The following APH1A variants were observed in gnomAD, a reference collection of about 807,000 sequenced individuals.
APH1A encodes the protein gamma-secretase subunit APH-1A.
Under a neutral mutation model 30.3 loss-of-function variants are expected in APH1A, and 16 were observed. That is an observed-to-expected ratio of 0.53 (90% CI 0.36 to 0.80). The LOEUF is 0.80. Among genes scored for constraint, APH1A ranks in the 30% least tolerant of loss-of-function variants. The probability of loss-of-function intolerance (pLI) is 0.01; values close to 1 mark genes in which losing one functional copy is unlikely to be tolerated. For missense variants in APH1A, 245 were observed against 337.8 expected, an observed-to-expected ratio of 0.73 and a Z score of 2.15; for synonymous variants, 144 against 140.1, an observed-to-expected ratio of 1.03 and a Z score of -0.20.
intron 3 of APH1A, 92 bp from the exon 4 acceptor site, chr1:150,267,570 C>A: frequency 6.3e-7 from 1 of 1,588,290 alleles, no homozygotes; most frequent in Non-Finnish European, 8.6e-7. Flanking sequence ...AATTCTTTCA[C>A]ATCTACTCTC....
At position 150,267,397 on chromosome 1, in the gene APH1A, A is replaced by C. The variant is rs1553850150; in HGVS notation, c.440T>G (p.Val147Gly). Residue 147 changes from valine to glycine, a missense_variant, in exon 4 of 7, where the codon GTT becomes GGT. By Grantham distance (109) the Val-to-Gly change is moderately radical (BLOSUM62 -3). Coordinates refer to ENST00000369109, the MANE Select transcript of APH1A (RefSeq NM_001077628.3). Reference sequence around the variant, plus strand: ...ATAGGGTGAGTCTCCATGGATCCCAACCACACCTGGCCCAAGTGCATCAGC... The same window carrying C: ...ATAGGGTGAGTCTCCATGGATCCCACCCACACCTGGCCCAAGTGCATCAGC... Reference protein sequence around the residue: ...ILADALGPGVVGIHGDSPYYF... With the variant: ...ILADALGPGVGGIHGDSPYYF... 1 of 1,614,160 alleles carries C rather than the reference A, an allele frequency of 6.2e-7. No homozygotes were observed. The highest frequency in any genetic ancestry group is 1.7e-5 in the Admixed American group (1 of 60,016).
At position 150,268,933 on chromosome 1, in the gene APH1A, C is replaced by A; in HGVS notation, c.-123G>T. 1.3e-6 allele frequency: 1 copy of A among 762,018 alleles called. No individual in the cohort carries two copies. Among genetic ancestry groups the A allele is most frequent in the Non-Finnish European group, 2.1e-6 (1 of 468,906 alleles). The allele number at this position is 762,018 out of a possible 1,614,324, so 47.2% of individuals were successfully genotyped here. A position where few individuals can be genotyped will look rare whatever the true frequency, so the allele number is the denominator to read the frequency against. ...CCACGAGGGGCGCGGTGCAATGTCA[C>A]CCCCAGACCCCGGGGAAGGGGAAGG... is the stretch of plus-strand genomic sequence containing the variant. On this transcript the variant is annotated 5_prime_UTR_variant, in exon 1 of 7. Transcript: ENST00000369109.
intron 1 of APH1A, 121 bp from the exon 2 acceptor site, chr1:150,268,248 A>G (rs587764147): frequency 1.7e-6 from 2 of 1,162,702 alleles, no homozygotes; most frequent in South Asian, 1.6e-5. Context: ...TTAGGGAGAC[A>G]TGGACCAGGT....
At chr1:150,266,797 T>C in intron 5 of APH1A, 141 bp from the exon 6 acceptor site, 1 of 1,164,974 alleles carries the variant, frequency 8.6e-7, no homozygotes, top group Non-Finnish European at 1.2e-6. Flanking sequence ...ATCTTGTGGT[T>C]AAGGGGACTT....
intron 1 of APH1A, chr1:150,268,392 C>T (rs1369366907): frequency 2.9e-5 from 17 of 595,402 alleles, no homozygotes; most frequent in Non-Finnish European, 2.3e-5. Flanking sequence ...GTATCCGTTC[C>T]TGGATCCTCC....
intron 1 of APH1A, chr1:150,268,457 G>C: frequency 1.7e-6 from 1 of 590,744 alleles, no homozygotes; most frequent in South Asian, 2.0e-5. Flanking sequence ...CACGAGTCTC[G>C]GCCTTGGGCC....
At chr1:150,266,782 C>T (rs1553850011) in intron 5 of APH1A, 126 bp from the exon 6 acceptor site, 1 of 1,247,318 alleles carries the variant, frequency 8.0e-7, no homozygotes, top group African/African-American at 1.5e-5. Flanking sequence ...CTTCAGAGCA[C>T]CAACATCTTG....
In APH1A at chr1:150,265,519, C is replaced by G. The variant is rs200690018; in HGVS notation, c.*611G>C. On this transcript the variant is annotated 3_prime_UTR_variant, in exon 7 of 7. Coordinates refer to ENST00000369109, the MANE Select transcript of APH1A (RefSeq NM_001077628.3). ...AGAAAACCTCCCCGCCCCTCCCACACCCCAATTAAAAACTACAAAAAAATC... is the reference window on the plus strand; with the variant it reads ...AGAAAACCTCCCCGCCCCTCCCACAGCCCAATTAAAAACTACAAAAAAATC... 6.6e-6 allele frequency: 1 copy of G among 152,490 alleles called. No individual in the cohort carries two copies. Among genetic ancestry groups the G allele is most frequent in the Non-Finnish European group, 1.5e-5 (1 of 68,040 alleles). 9.4% of individuals were successfully genotyped at this position (152,490 alleles called of 1,614,324 possible). A position where few individuals can be genotyped will look rare whatever the true frequency, so the allele number is the denominator to read the frequency against.
chr1:150,268,267 T>C (rs2101853852), intron 1 of APH1A, 140 bp from the exon 2 acceptor site: 3 of 934,870 alleles, frequency 3.2e-6, no homozygotes, highest in Middle Eastern at 6.8e-4. Flanking sequence ...GTAGGGTAAC[T>C]GTCTCCACCA....
rs200511495 is a variant in APH1A at position 150,266,542 on chromosome 1, T to A, written c.724A>T (p.Ser242Cys). Residue 242 changes from serine (S) to cysteine (C), a missense_variant, in exon 6 of 7, where the codon AGC becomes TGC. Ser to Cys is a moderately radical substitution (Grantham distance 112). Coordinates refer to ENST00000369109, the MANE Select transcript of APH1A (RefSeq NM_001077628.3). ...AGGSLRSIQR[S>C]LLCRRQEDSR... ...GGTAGTCAGTCCTTACACAAGAGGC[T>A]GCGCTGAATACTTCGGAGGGACCCT... is the stretch of plus-strand genomic sequence containing the variant. 1 of 1,614,090 alleles carries A rather than the reference T, an allele frequency of 6.2e-7. No individual in the cohort carries two copies. Among genetic ancestry groups the A allele is most frequent in the Admixed American group, 1.7e-5 (1 of 60,002 alleles).
At chr1:150,266,293 G>A (rs1307357516) in intron 6 of APH1A, 99 bp from the exon 7 acceptor site, 4 of 1,514,236 alleles carry the variant, frequency 2.6e-6, no homozygotes, top group East Asian at 2.5e-5. Context: ...AGGTGGTGGG[G>A]ATAAGTGCAG....
Position 150,266,588 on chromosome 1 carries a change from G to C in APH1A, c.678C>G (p.Leu226=). ...ACCCTCCAGCTGTGATGAAGGCCCA[G>C]AGCCCCATGGAAACAGTGACTGCAT... is the stretch of plus-strand genomic sequence containing the variant. ...PIYAVTVSMG[L]WAFITAGGSL... is the part of the protein sequence containing the mutation. The change falls in exon 6 of 7, where the codon CTC becomes CTG. Residue 226 remains leucine, a synonymous_variant. Coordinates refer to ENST00000369109, the MANE Select transcript of APH1A (RefSeq NM_001077628.3). 6.2e-7 allele frequency: 1 copy of C among 1,614,094 alleles called. No individual in the cohort carries two copies. The highest frequency in any genetic ancestry group is 8.5e-7 in the Non-Finnish European group (1 of 1,179,986).
Position 150,266,943 on chromosome 1 carries a change from C to T in APH1A, c.609+132G>A, listed in dbSNP as rs1304356139. The stretch of plus-strand genomic sequence containing the variant: ...TAGAAATGATGCTGAGGTGAGAGAC[C>T]TTGAAAGACTCACCTTTCCTCCTCC... On this transcript the variant is annotated intron_variant, in intron 5 of 6. Coordinates refer to ENST00000369109, the MANE Select transcript of APH1A (RefSeq NM_001077628.3). 2.4e-5 allele frequency: 34 copies of T among 1,428,168 alleles called. 1 individual carries two copies. The Admixed American group carries it at 6.7e-4, about 28-fold the overall frequency. 88.5% of individuals were successfully genotyped at this position (1,428,168 alleles called of 1,614,324 possible).
chr1:150,266,570 A>G lies in APH1A; in HGVS notation c.696T>C (p.Ala232=), dbSNP rs1651740026. The part of the protein sequence containing the change: ...VSMGLWAFIT[A]GGSLRSIQRS... ...GCTGAATACTTCGGAGGGACCCTCC[A>G]GCTGTGATGAAGGCCCAGAGCCCCA... The change falls in exon 6 of 7, where the codon GCT becomes GCC. Residue 232 remains alanine (A), a synonymous_variant. Coordinates refer to ENST00000369109, the MANE Select transcript of APH1A (RefSeq NM_001077628.3). 6.2e-7 allele frequency: 1 copy of G among 1,614,044 alleles called. No homozygotes were observed. The highest frequency in any genetic ancestry group is 1.7e-5 in the Admixed American group (1 of 59,992).
Position 150,266,037 on chromosome 1 carries a change from G to T in APH1A, c.*93C>A. On this transcript the variant is annotated 3_prime_UTR_variant, in exon 7 of 7. Coordinates refer to ENST00000369109, the MANE Select transcript of APH1A (RefSeq NM_001077628.3). ...ATGGCTAAACTAGGTCCCTTTTCTT[G>T]GCAACCTGCACTGTCCAGAACTGGA... is the stretch of plus-strand genomic sequence containing the variant. 2 of 1,436,680 alleles carry T rather than the reference G, an allele frequency of 1.4e-6. No homozygotes were observed. The highest frequency in any genetic ancestry group is 2.5e-5 in the East Asian group (1 of 39,884). 89.0% of individuals were successfully genotyped at this position (1,436,680 alleles called of 1,614,324 possible).
Position 150,267,197 on chromosome 1 carries a change from G to C in APH1A, c.487C>G (p.Leu163Val). The change falls in exon 5 of 7, where the codon CTG (leucine) becomes GTG (valine). Residue 163 changes from leucine (L) to valine (V), a missense_variant. Transcript: ENST00000369109. ...SPYYFLTSAF[L>V]TAAIILLHTF... ...TGGAGCAGGATAATGGCTGCTGTCA[G>C]AAAGGCTGCAGGGAGGGAGATGGGG... 6.2e-7 allele frequency: 1 copy of C among 1,614,204 alleles called. No individual in the cohort carries two copies. Among genetic ancestry groups the C allele is most frequent in the Middle Eastern group, 1.6e-4 (1 of 6,062 alleles).
intron 1 of APH1A, 130 bp from the exon 2 acceptor site, chr1:150,268,257 G>T: frequency 9.5e-7 from 1 of 1,050,604 alleles, no homozygotes; most frequent in Admixed American, 2.8e-5. Flanking sequence ...CATGGACCAG[G>T]TAGGGTAACT....
chr1:150,265,849 C>G lies in APH1A; in HGVS notation c.*281G>C. On this transcript the variant is annotated 3_prime_UTR_variant, in exon 7 of 7. Transcript: ENST00000369109. ...AGTTCCAATATACCTCCTCCCTCCC[C>G]CCACCTCAAAAAAGAAAAAAAGGCA... 2.5e-6 allele frequency: 1 copy of G among 392,714 alleles called. No individual in the cohort carries two copies. Among genetic ancestry groups the G allele is most frequent in the Non-Finnish European group, 4.6e-6 (1 of 216,068 alleles). 24.3% of individuals were successfully genotyped at this position (392,714 alleles called of 1,614,324 possible).
chr1:150,266,329 G>GCTGAA, intron 6 of APH1A, 135 bp from the exon 7 acceptor site: 1 of 1,487,158 alleles, frequency 6.7e-7, no homozygotes. Flanking sequence ...TCACTGACTG[G>GCTGAA]CTGAACCCAG....
Sources: gnomAD v4.1 joint callset for allele counts on GRCh38, gnomAD v4.1.1 for gene constraint, MANE v1.5 for transcripts, NCBI Gene and HGNC (gene_info 2026-07-23, HGNC 2026-07-21) for gene names.